SPAG16: variants seen among roughly 807,000 people sequenced by gnomAD.
The protein encoded by SPAG16 is sperm-associated antigen 16 protein.
Under a neutral mutation model 80.4 loss-of-function variants are expected in SPAG16, and 86 were observed. The observed-to-expected ratio is 1.07, with a 90% CI of 0.90 to 1.28. The LOEUF (loss-of-function observed/expected upper bound fraction) is 1.28, where lower values mean the gene tolerates loss of function less well. Ranked by LOEUF, SPAG16 falls within the 50% of genes most tolerant of loss-of-function variation. SPAG16 has a pLI of 0.00. For missense variants in SPAG16, 870 were observed against 765.3 expected, an observed-to-expected ratio of 1.14 and a Z score of -1.61; for synonymous variants, 294 against 265.9, an observed-to-expected ratio of 1.11 and a Z score of -1.03.
chr2:213,322,449 G>T (rs552806708), intron 5 of SPAG16, among the ~76,000 whole-genome samples: 4 of 150,158 alleles, frequency 2.7e-5, no homozygotes, highest in African/African-American at 9.8e-5. Context: ...CTTTTTCTCA[G>T]TTGGCCTTGG....
At chr2:213,382,729 C>T (rs1230817433) in intron 9 of SPAG16, among the ~76,000 whole-genome samples, 1 of 152,222 alleles carries the variant, frequency 6.6e-6, no homozygotes, top group Non-Finnish European at 1.5e-5. Context: ...TTCTCTGGCA[C>T]AAGCATATTG....
At chr2:213,533,233 T>C (rs972071904) in intron 10 of SPAG16, among the ~76,000 whole-genome samples, 2 of 152,206 alleles carry the variant, frequency 1.3e-5, no homozygotes, top group African/African-American at 2.4e-5. Flanking sequence ...GTATGTGATA[T>C]GCACATACTA....
chr2:213,772,757 G>C (rs1448545221), intron 10 of SPAG16, among the ~76,000 whole-genome samples: 3 of 152,010 alleles, frequency 2.0e-5, no homozygotes, highest in Admixed American at 6.6e-5. Context: ...CTATAAAAAA[G>C]CCTATGCATT....
intron 15 of SPAG16, among the ~76,000 whole-genome samples, chr2:214,206,451 A>G (rs2125734408): frequency 6.6e-6 from 1 of 152,340 alleles, no homozygotes; most frequent in African/African-American, 2.4e-5. Context: ...TGCAAATGAC[A>G]GGATGTCCTT....
At chr2:214,110,440 C>A (rs912699240) in intron 14 of SPAG16, among the ~76,000 whole-genome samples, 1 of 152,110 alleles carries the variant, frequency 6.6e-6, no homozygotes, top group African/African-American at 2.4e-5. Context: ...TCCAGCTTCA[C>A]CCATGTCCCT....
At chr2:214,392,869 A>G (rs1224634063) in intron 15 of SPAG16, among the ~76,000 whole-genome samples, 2 of 152,210 alleles carry the variant, frequency 1.3e-5, no homozygotes, top group Admixed American at 1.3e-4. Flanking sequence ...TAGTTGAAAG[A>G]ATGAAGAGAT....
At chr2:214,289,253 T>G (rs910927676) in intron 15 of SPAG16, among the ~76,000 whole-genome samples, 24 of 152,214 alleles carry the variant, frequency 1.6e-4, no homozygotes, top group African/African-American at 5.5e-4. Context: ...ATAGTCACAT[T>G]TGTCTATTTT....
chr2:214,183,248 T>C (rs955905543), intron 15 of SPAG16, among the ~76,000 whole-genome samples: 1 of 152,008 alleles, frequency 6.6e-6, no homozygotes, highest in Non-Finnish European at 1.5e-5. Context: ...TCTGTCCCCA[T>C]ATCATGCCTA....
chr2:213,579,407 A>G (rs1377270771), intron 10 of SPAG16, among the ~76,000 whole-genome samples: 1 of 152,126 alleles, frequency 6.6e-6, no homozygotes, highest in Non-Finnish European at 1.5e-5. Context: ...TTTTATAACA[A>G]TAGTTACTTC....
At chr2:214,091,606 GTTTA>G (rs959587040) in intron 13 of SPAG16, among the ~76,000 whole-genome samples, 13 of 152,092 alleles carry the variant, frequency 8.5e-5, no homozygotes, top group Non-Finnish European at 1.9e-4. Flanking sequence ...TTGCTATAAT[GTTTA>G]TTTGTTTTAA....
At chr2:213,656,230 C>G (rs2063217422) in intron 10 of SPAG16, among the ~76,000 whole-genome samples, 1 of 152,250 alleles carries the variant, frequency 6.6e-6, no homozygotes, top group Non-Finnish European at 1.5e-5. Flanking sequence ...GAGTCTCGCT[C>G]TGTCGCCCAG....
intron 9 of SPAG16, among the ~76,000 whole-genome samples, chr2:213,413,420 G>A (rs954862778): frequency 1.3e-5 from 2 of 152,032 alleles, no homozygotes; most frequent in African/African-American, 4.8e-5. Context: ...GTCTATGTGT[G>A]TGTATATCTA....
At chr2:214,008,660 G>A (rs550608558) in intron 12 of SPAG16, among the ~76,000 whole-genome samples, 6 of 151,794 alleles carry the variant, frequency 4.0e-5, no homozygotes, top group African/African-American at 1.2e-4. Flanking sequence ...TAGGAGAATC[G>A]CTTGAACCGG....
intron 10 of SPAG16, among the ~76,000 whole-genome samples, chr2:213,572,605 C>G (rs1321195377): frequency 2.0e-5 from 3 of 152,110 alleles, no homozygotes; most frequent in Non-Finnish European, 4.4e-5. Context: ...TCTCAGATCT[C>G]CAGCTGCGTG....
At chr2:213,404,031 A>C (rs371588048) in intron 9 of SPAG16, among the ~76,000 whole-genome samples, 10 of 151,996 alleles carry the variant, frequency 6.6e-5, no homozygotes, top group East Asian at 5.8e-4. Flanking sequence ...AGGAGAACTA[A>C]AAACCACTGC....
intron 10 of SPAG16, among the ~76,000 whole-genome samples, chr2:213,807,367 A>G (rs2071833934): frequency 2.0e-5 from 3 of 151,836 alleles, no homozygotes; most frequent in Admixed American, 2.0e-4. Context: ...TTCCCTACAT[A>G]GTGCCATTCA....
At chr2:213,710,974 A>G (rs922374067) in intron 10 of SPAG16, among the ~76,000 whole-genome samples, 2 of 152,072 alleles carry the variant, frequency 1.3e-5, no homozygotes, top group Admixed American at 1.3e-4. Context: ...TTTTTTTTTA[A>G]TTGTAATAAT....
At chr2:214,290,937 G>C (rs541997110) in intron 15 of SPAG16, among the ~76,000 whole-genome samples, 3 of 152,254 alleles carry the variant, frequency 2.0e-5, no homozygotes, top group African/African-American at 7.2e-5. Flanking sequence ...TCTATTAAAA[G>C]TGCAATTTAA....
chr2:213,938,765 G>A (rs554738879), intron 12 of SPAG16, among the ~76,000 whole-genome samples: 8 of 151,908 alleles, frequency 5.3e-5, no homozygotes, highest in Non-Finnish European at 1.2e-4. Context: ...ATAAAAAATG[G>A]CAAGCAATAC....
Sources: allele counts gnomAD v4.1 joint callset (sites outside exome capture counted in the v4.1 genomes callset), GRCh38; gene constraint gnomAD v4.1.1; transcripts MANE v1.5; gene names NCBI Gene and HGNC (gene_info 2026-07-23, HGNC 2026-07-21).